Variants in LOXL2 observed in about 807,000 individuals in gnomAD.
LOXL2 encodes lysyl oxidase like 2, also known as lysyl oxidase homolog 2.
LOXL2 carries 70 observed loss-of-function variants against 93.0 expected under a neutral mutation model. The ratio of observed to expected loss-of-function variants is 0.75; its 90% CI spans 0.62 to 0.92. The LOEUF is 0.92. Ranked by LOEUF, LOXL2 falls within the 40% of genes least tolerant of loss-of-function variation. The pLI is 0.00. For missense variants in LOXL2, 973 were observed against 1,054.9 expected (o/e 0.92, Z 1.08); for synonymous variants, 438 against 413.2 (o/e 1.06, Z -0.73).
At chr8:23,401,864 G>A (rs17696480) in intron 1 of LOXL2, among the ~76,000 whole-genome samples, 32,498 of 152,172 alleles carry the variant, frequency 0.21, 3,728 homozygotes, top group Admixed American at 0.26. Context: ...TAAAATGTCA[G>A]CCAATGTGTG....
chr8:23,385,435 T>G (rs528683277), intron 1 of LOXL2, among the ~76,000 whole-genome samples: 6 of 148,974 alleles, frequency 4.0e-5, no homozygotes, highest in Admixed American at 2.7e-4. Context: ...TTTTTTGGTA[T>G]TTTCAGTAGA....
At chr8:23,383,657 G>GTTTTTTTTT (rs968347697) in intron 1 of LOXL2, among the ~76,000 whole-genome samples, 6 of 22,264 alleles carry the variant, frequency 2.7e-4, no homozygotes, top group Admixed American at 6.3e-4. Context: ...TTTTTTTTTT[G>GTTTTTTTTT]TTTTTTTTTT....
chr8:23,332,289 A>AC lies in LOXL2; in HGVS notation c.966+1111dup, dbSNP rs1450204569. 7.7e-3 allele frequency among the ~76,000 whole-genome samples: 618 copies of AC among 80,350 alleles called. 31 individuals are homozygous for AC. The East Asian group carries it at 0.14, about 18-fold the overall frequency. 52.7% of individuals were successfully genotyped at this position (80,350 alleles called of 152,430 possible). ...CCACACATACACACAACCCACACAG[A>AC]CCCCCACACACACTCATACACACCC... On this transcript the variant is annotated intron_variant, in intron 5 of 13. Coordinates refer to ENST00000389131, the MANE Select transcript of LOXL2 (RefSeq NM_002318.3).
intron 5 of LOXL2, chr8:23,328,839 C>T (rs1462957244): frequency 2.3e-6 from 1 of 430,418 alleles, no homozygotes; most frequent in Non-Finnish European, 4.3e-6. Flanking sequence ...CTGTCCTGGT[C>T]CCCTGGGGAG....
At position 23,317,084 on chromosome 8, in the gene LOXL2, T is replaced by C; in HGVS notation, c.1501A>G (p.Ser501Gly). ...ETWYWHGDVN[S>G]NKVVMSGVKC... ...ACTCCACTCATGACCACTTTGTTGC[T>C]GTTGACATCTCCGTGCCAATACCAG... is the stretch of plus-strand genomic sequence containing the variant. Residue 501 changes from serine (S) to glycine (G), a missense_variant, in exon 9 of 14, where the codon AGC becomes GGC. Ser to Gly is a moderately conservative substitution (Grantham distance 56). Transcript: ENST00000389131. 1 of 1,614,216 alleles carries C rather than the reference T, an allele frequency of 6.2e-7. No individual in the cohort carries two copies. Among genetic ancestry groups the C allele is most frequent in the African/African-American group, 1.3e-5 (1 of 75,064 alleles).
chr8:23,346,182 TAATAA>T (rs1310826066), intron 3 of LOXL2, among the ~76,000 whole-genome samples: 1,496 of 100,448 alleles, frequency 0.015, 24 homozygotes, highest in African/African-American at 0.064. Flanking sequence ...ATAAATAAAA[TAATAA>T]AATAAAATAA....
At position 23,393,061 on chromosome 8, in the gene LOXL2, G is replaced by A. The variant is rs138075068; in HGVS notation, c.-84+10893C>T. Reference sequence around the variant, plus strand: ...AACATTGTTAAAAGAAATTAAAGACGATCTAAATAAATGGGAAAACATCCC... The same window carrying A: ...AACATTGTTAAAAGAAATTAAAGACAATCTAAATAAATGGGAAAACATCCC... On this transcript the variant is annotated intron_variant, in intron 1 of 13. Coordinates refer to ENST00000389131, the MANE Select transcript of LOXL2 (RefSeq NM_002318.3). Among the ~76,000 whole-genome samples the A allele has an allele frequency of 3.3e-5, 5 of 152,222 alleles. No homozygotes were observed. In the East Asian group the frequency reaches 5.8e-4, roughly 18 times the overall value.
intron 1 of LOXL2, among the ~76,000 whole-genome samples, chr8:23,398,687 CTTTG>C: frequency 1.3e-5 from 2 of 152,292 alleles, no homozygotes; most frequent in East Asian, 3.9e-4. Context: ...GCTATTCTTT[CTTTG>C]TTTTTGAGAC....
At chr8:23,399,041 A>G (rs1025700107) in intron 1 of LOXL2, among the ~76,000 whole-genome samples, 1 of 152,190 alleles carries the variant, frequency 6.6e-6, no homozygotes, top group African/African-American at 2.4e-5. Flanking sequence ...AGGACTGAAG[A>G]CTTAAGAGAC....
intron 1 of LOXL2, among the ~76,000 whole-genome samples, chr8:23,397,859 G>T (rs1228268124): frequency 1.3e-5 from 2 of 150,622 alleles, no homozygotes; most frequent in Non-Finnish European, 3.0e-5. Flanking sequence ...TACTCGGGAG[G>T]CTGAGGCAGG....
chr8:23,359,992 T>C, intron 3 of LOXL2, 98 bp downstream of exon 3: 1 of 1,164,090 alleles, frequency 8.6e-7, no homozygotes, highest in South Asian at 1.4e-5. Flanking sequence ...CCCTCCTTCC[T>C]GCTCACACAC....
At chr8:23,361,767 G>A (rs1487325009) in intron 2 of LOXL2, among the ~76,000 whole-genome samples, 1 of 152,096 alleles carries the variant, frequency 6.6e-6, no homozygotes, top group East Asian at 1.9e-4. Flanking sequence ...TTGAACCCGG[G>A]AGACAGAGGT....
chr8:23,310,009 C>T, intron 9 of LOXL2, 98 bp from the exon 10 acceptor site: 1 of 1,308,042 alleles, frequency 7.6e-7, no homozygotes, highest in Non-Finnish European at 1.0e-6. Flanking sequence ...CTCCTGCCTA[C>T]CGCCACCTTC....
At chr8:23,354,395 G>A (rs1242354809) in intron 3 of LOXL2, among the ~76,000 whole-genome samples, 1 of 152,184 alleles carries the variant, frequency 6.6e-6, no homozygotes, top group Non-Finnish European at 1.5e-5. Context: ...ATTCACTGAC[G>A]TTTCATTCCT....
intron 1 of LOXL2, among the ~76,000 whole-genome samples, chr8:23,400,227 A>G (rs998495554): frequency 1.3e-5 from 2 of 152,246 alleles, no homozygotes; most frequent in African/African-American, 2.4e-5. Context: ...TGCTGCTAAT[A>G]AAGACATACC....
rs1398415572 is a variant in LOXL2 at position 23,309,683 on chromosome 8, C to A, written c.1865G>T (p.Trp622Leu). 1 of 1,492,016 alleles carries A rather than the reference C, an allele frequency of 6.7e-7. No homozygotes were observed. Among genetic ancestry groups the A allele is most frequent in the Non-Finnish European group, 9.0e-7 (1 of 1,114,636 alleles). The allele number at this position is 1,492,016 out of a possible 1,614,324, so 92.4% of individuals were successfully genotyped here. A position where few individuals can be genotyped will look rare whatever the true frequency, so the allele number is the denominator to read the frequency against. Residue 622 changes from tryptophan (W) to leucine (L), a missense_variant, in exon 10 of 14, where the codon TGG (tryptophan) becomes TTG (leucine). Trp to Leu is a moderately conservative substitution (Grantham distance 61). Transcript: ENST00000389131. ...RPKNGRHAWIWHDCHRHYHSM... is the reference protein window; with the variant it reads ...RPKNGRHAWILHDCHRHYHSM... ...CCAGGCCTACCTGTGACAGTCGTGC[C>A]AGATCCACGCGTGGCGGCCGTTCTT...
intron 1 of LOXL2, among the ~76,000 whole-genome samples, chr8:23,378,493 C>CT (rs1269245919): frequency 6.6e-6 from 1 of 152,164 alleles, no homozygotes; most frequent in Non-Finnish European, 1.5e-5. Context: ...GCCTGCCCTG[C>CT]TAGGTTGGGG....
chr8:23,346,160 A>T (rs1177995956), intron 3 of LOXL2, among the ~76,000 whole-genome samples: 13 of 103,178 alleles, frequency 1.3e-4, no homozygotes, highest in Non-Finnish European at 2.2e-4. Flanking sequence ...ATAAAATAAA[A>T]AATAAAATAA....
rs1803064802 is a variant in LOXL2 at position 23,297,984 on chromosome 8, G to C, written c.*59C>G. On this transcript the variant is annotated 3_prime_UTR_variant, in exon 14 of 14. Transcript: ENST00000389131. ...ATTCGTTCAGACTCAGTTGTTGGGG[G>C]GAAGTCCCATGGAAGATGTGGTGTG... 1 of 1,429,598 alleles carries C rather than the reference G, an allele frequency of 7.0e-7. No individual in the cohort carries two copies. The highest frequency in any genetic ancestry group is 2.3e-5 in the East Asian group (1 of 43,688). 88.6% of individuals were successfully genotyped at this position (1,429,598 alleles called of 1,614,324 possible).
Sources: allele counts gnomAD v4.1 joint callset (sites outside exome capture counted in the v4.1 genomes callset), GRCh38; gene constraint gnomAD v4.1.1; transcripts MANE v1.5; gene names NCBI Gene and HGNC (gene_info 2026-07-23, HGNC 2026-07-21).